HPSE2: variants seen among roughly 807,000 people sequenced by gnomAD.
HPSE2 encodes the protein heparanase 2 (inactive).
Under a neutral mutation model 60.5 loss-of-function variants are expected in HPSE2, and 38 were observed. The ratio of observed to expected loss-of-function variants is 0.63; its 90% CI spans 0.48 to 0.82. The LOEUF (loss-of-function observed/expected upper bound fraction) is 0.82, where lower values mean the gene tolerates loss of function less well. Among genes scored for constraint, HPSE2 ranks in the 40% least tolerant of loss-of-function variants. HPSE2 has a pLI of 0.00. For missense variants in HPSE2, 713 were observed against 740.4 expected, an observed-to-expected ratio of 0.96 and a Z score of 0.43; for synonymous variants, 295 against 293.2, an observed-to-expected ratio of 1.01 and a Z score of -0.06.
chr10:98,561,165 G>GTTTTTTTTTTTTTTT (rs141881144), intron 9 of HPSE2, among the ~76,000 whole-genome samples: 1 of 145,068 alleles, frequency 6.9e-6, no homozygotes, highest in Non-Finnish European at 1.5e-5. Context: ...TTTTTTTTTT[G>GTTTTTTTTTTTTTTT]TTCTTTTTTT....
At position 98,936,904 on chromosome 10, in the gene HPSE2, G is replaced by A. The variant is rs777796245; in HGVS notation, c.611-192848C>T. 8.3e-5 allele frequency among the ~76,000 whole-genome samples: 11 copies of A among 132,302 alleles called. 1 individual carries two copies. Among genetic ancestry groups the A allele is most frequent in the Admixed American group, 2.3e-4 (3 of 13,062 alleles). The allele number at this position is 132,302 out of a possible 152,430, so 86.8% of individuals were successfully genotyped here. A position where few individuals can be genotyped will look rare whatever the true frequency, so the allele number is the denominator to read the frequency against. On this transcript the variant is annotated intron_variant, in intron 3 of 11. Transcript: ENST00000370552. ...TGAAGCAGGAAAATCACTTAATCCCGGGAGGCGGAGGTTGCAGTGAGCTGA... is the reference window on the plus strand; with the variant it reads ...TGAAGCAGGAAAATCACTTAATCCCAGGAGGCGGAGGTTGCAGTGAGCTGA...
chr10:99,232,421 G>C lies in HPSE2; in HGVS notation c.375C>G (p.Phe125Leu), dbSNP rs771765018. The change falls in exon 2 of 12, where the codon TTC (phenylalanine) becomes TTG (leucine). Residue 125 changes from phenylalanine (F) to leucine (L), a missense_variant. Physicochemically the swap from Phe to Leu is conservative, Grantham distance 22 (BLOSUM62 0). Coordinates refer to ENST00000370552, the MANE Select transcript of HPSE2 (RefSeq NM_021828.5). ...TTTTCGCCGGGTTCCTCAGGTTCTGGAACTGCAGGAAGTCGGTCCTTTTGC... is the reference window on the plus strand; with the variant it reads ...TTTTCGCCGGGTTCCTCAGGTTCTGCAACTGCAGGAAGTCGGTCCTTTTGC... Reference protein sequence around the residue: ...FGGKRTDFLQFQNLRNPAKSR... With the variant: ...FGGKRTDFLQLQNLRNPAKSR... 2 of 1,553,696 alleles carry C rather than the reference G, an allele frequency of 1.3e-6. No individual in the cohort carries two copies. Among genetic ancestry groups the C allele is most frequent in the Non-Finnish European group, 1.7e-6 (2 of 1,148,198 alleles).
At chr10:98,962,520 C>T (rs1955704297) in intron 3 of HPSE2, among the ~76,000 whole-genome samples, 1 of 151,478 alleles carries the variant, frequency 6.6e-6, no homozygotes, top group African/African-American at 2.4e-5. Context: ...AAAACTGGCA[C>T]AAGACAGGGA....
At chr10:99,108,619 T>A (rs1844339409) in intron 3 of HPSE2, among the ~76,000 whole-genome samples, 1 of 152,194 alleles carries the variant, frequency 6.6e-6, no homozygotes, top group Non-Finnish European at 1.5e-5. Context: ...CGAGACCATA[T>A]TAGCAACTAC....
At chr10:98,574,689 A>G in intron 9 of HPSE2, among the ~76,000 whole-genome samples, 1 of 38,956 alleles carries the variant, frequency 2.6e-5, no homozygotes, top group African/African-American at 4.3e-5. Flanking sequence ...GTGCATTGGC[A>G]TCGAGAAGAA....
intron 3 of HPSE2, among the ~76,000 whole-genome samples, chr10:98,926,669 C>T (rs948799577): frequency 6.6e-6 from 1 of 152,094 alleles, no homozygotes; most frequent in African/African-American, 2.4e-5. Flanking sequence ...AATAAATAAG[C>T]ATGAGACATA....
chr10:98,759,761 G>T (rs1949963886), intron 3 of HPSE2, among the ~76,000 whole-genome samples: 1 of 152,020 alleles, frequency 6.6e-6, no homozygotes. Context: ...GCTCAAGATT[G>T]CTTTGACTAT....
the HPSE2 span, among the ~76,000 whole-genome samples, chr10:99,315,422 G>A: frequency 6.6e-6 from 1 of 152,130 alleles, no homozygotes; most frequent in East Asian, 1.9e-4. Context: ...TTCCACCGTC[G>A]TTCACAGACG....
At chr10:98,668,834 T>C (rs1432384501) in intron 6 of HPSE2, among the ~76,000 whole-genome samples, 1 of 152,168 alleles carries the variant, frequency 6.6e-6, no homozygotes, top group African/African-American at 2.4e-5. Flanking sequence ...CTTCTCCATA[T>C]GGTTTTGGTA....
chr10:98,653,779 C>G (rs1238803139), intron 6 of HPSE2, among the ~76,000 whole-genome samples: 1 of 151,920 alleles, frequency 6.6e-6, no homozygotes, highest in Non-Finnish European at 1.5e-5. Context: ...ATTTTACCTT[C>G]ATTTATTCCT....
chr10:99,308,309 G>A, the HPSE2 span, among the ~76,000 whole-genome samples: 2 of 143,026 alleles, frequency 1.4e-5, no homozygotes, highest in Non-Finnish European at 3.0e-5. Context: ...AACTGCTTGA[G>A]GTGGAGGTTG....
intron 7 of HPSE2, among the ~76,000 whole-genome samples, chr10:98,631,555 C>T (rs1350889465): frequency 6.6e-6 from 1 of 152,186 alleles, no homozygotes; most frequent in Non-Finnish European, 1.5e-5. Flanking sequence ...TAGGACAAAC[C>T]CTATAATCCT....
chr10:98,914,105 G>A (rs147564641), intron 3 of HPSE2, among the ~76,000 whole-genome samples: 136 of 152,280 alleles, frequency 8.9e-4, no homozygotes, highest in Middle Eastern at 3.4e-3. Context: ...CCCACATATC[G>A]TGGGAGGGAC....
At chr10:98,712,707 T>C (rs952182205) in intron 5 of HPSE2, among the ~76,000 whole-genome samples, 1 of 152,138 alleles carries the variant, frequency 6.6e-6, no homozygotes, top group Non-Finnish European at 1.5e-5. Flanking sequence ...TGCTCAACTT[T>C]AAATGCTTCC....
chr10:98,958,267 AT>A (rs1955559441), intron 3 of HPSE2, among the ~76,000 whole-genome samples: 1 of 152,150 alleles, frequency 6.6e-6, no homozygotes, highest in Non-Finnish European at 1.5e-5. Flanking sequence ...AGGCCAAGTA[AT>A]TTGCATATGA....
chr10:99,284,202 C>A, the HPSE2 span, among the ~76,000 whole-genome samples: 1 of 152,012 alleles, frequency 6.6e-6, no homozygotes, highest in Non-Finnish European at 1.5e-5. Context: ...GTAGGATTAA[C>A]CCCCAGGAAT....
intron 3 of HPSE2, among the ~76,000 whole-genome samples, chr10:98,965,194 T>C (rs1955783385): frequency 6.6e-6 from 1 of 152,160 alleles, no homozygotes; most frequent in South Asian, 2.1e-4. Flanking sequence ...TACTGTTGTC[T>C]AGAAAATAAA....
At chr10:98,793,778 T>G (rs192853694) in intron 3 of HPSE2, among the ~76,000 whole-genome samples, 1 of 152,338 alleles carries the variant, frequency 6.6e-6, no homozygotes, top group East Asian at 1.9e-4. Flanking sequence ...GAAGCCAGCA[T>G]GTACAGGTCT....
intron 3 of HPSE2, among the ~76,000 whole-genome samples, chr10:98,930,459 T>A (rs1256738552): frequency 1.4e-5 from 2 of 144,718 alleles, no homozygotes; most frequent in Non-Finnish European, 3.0e-5. Context: ...TGTGCATGTA[T>A]CTTTATAAAA....
Sources: gnomAD v4.1 joint callset for allele counts (sites outside exome capture counted in the v4.1 genomes callset) on GRCh38, gnomAD v4.1.1 for gene constraint, MANE v1.5 for transcripts, NCBI Gene and HGNC (gene_info 2026-07-23, HGNC 2026-07-21) for gene names.